ALX4: variants seen among roughly 807,000 people sequenced by gnomAD.
The protein encoded by ALX4 is ALX homeobox 4.
Under a neutral mutation model 40.6 loss-of-function variants are expected in ALX4, and 22 were observed. The ratio of observed to expected loss-of-function variants is 0.54; its 90% CI spans 0.39 to 0.77. The LOEUF (loss-of-function observed/expected upper bound fraction) is 0.77. Among genes scored for constraint, ALX4 ranks in the 30% least tolerant of loss-of-function variants. The pLI, the probability that ALX4 is intolerant of heterozygous loss-of-function variation, is 0.00. For synonymous variants in ALX4, 266 were observed against 240.5 expected (o/e 1.11, Z -0.98); for missense variants, 556 against 564.8 (o/e 0.98, Z 0.16).
At position 44,264,921 on chromosome 11, in the gene ALX4, G is replaced by T. The variant is rs1274633399; in HGVS notation, c.1169C>A (p.Thr390Asn). 6.2e-7 allele frequency: 1 copy of T among 1,613,014 alleles called. No homozygotes were observed. The highest frequency in any genetic ancestry group is 8.5e-7 in the Non-Finnish European group (1 of 1,179,946). Reference protein sequence around the residue: ...YELNGEPDRKTSSIAALRMKA... With the variant: ...YELNGEPDRKNSSIAALRMKA... ...CATGCGGAGGGCCGCGATGCTCGAG[G>T]TCTTGCGGTCCGGCTCGCCGTTGAG... Residue 390 changes from threonine to asparagine, a missense_variant, in exon 4 of 4, where the codon ACC becomes AAC. Coordinates refer to ENST00000652299, the MANE Select transcript of ALX4 (RefSeq NM_021926.4).
At chr11:44,284,972 G>T (rs1956330231) in intron 1 of ALX4, among the ~76,000 whole-genome samples, 1 of 150,612 alleles carries the variant, frequency 6.6e-6, no homozygotes. Context: ...AAACTTTTGT[G>T]TTTTTTTTTG....
chr11:44,310,092 C>G lies in ALX4; in HGVS notation c.-30G>C. 1 of 1,555,478 alleles carries G rather than the reference C, an allele frequency of 6.4e-7. No individual in the cohort carries two copies. Among genetic ancestry groups the G allele is most frequent in the Non-Finnish European group, 8.7e-7 (1 of 1,148,210 alleles). On this transcript the variant is annotated 5_prime_UTR_variant, in exon 1 of 4. Transcript: ENST00000652299. The stretch of plus-strand genomic sequence containing the variant: ...GGCTTGCGCAGGCGGCGGGCGGGGA[C>G]GCGAGCGAGGGCGCGAGGACGCCAC...
intron 2 of ALX4, among the ~76,000 whole-genome samples, chr11:44,270,808 C>T (rs543134906): frequency 3.3e-5 from 5 of 152,342 alleles, no homozygotes; most frequent in East Asian, 1.9e-4. Context: ...AGGCCTCTCC[C>T]GAGGACCGGG....
At chr11:44,284,902 C>G (rs1374461238) in intron 1 of ALX4, among the ~76,000 whole-genome samples, 3 of 151,978 alleles carry the variant, frequency 2.0e-5, no homozygotes, top group African/African-American at 7.3e-5. Flanking sequence ...AAGAAAATCA[C>G]TCACACACAT....
At chr11:44,304,618 C>G (rs2119904971) in intron 1 of ALX4, among the ~76,000 whole-genome samples, 1 of 152,326 alleles carries the variant, frequency 6.6e-6, no homozygotes, top group South Asian at 2.1e-4. Flanking sequence ...CCCGGACAAA[C>G]GCGCCGGACG....
chr11:44,296,247 G>A (rs1473345456), intron 1 of ALX4, among the ~76,000 whole-genome samples: 4 of 152,228 alleles, frequency 2.6e-5, no homozygotes, highest in Admixed American at 2.6e-4. Context: ...TGGGAAAAGT[G>A]GATATCCCCA....
chr11:44,303,556 C>T (rs1276543807), intron 1 of ALX4, among the ~76,000 whole-genome samples: 2 of 152,210 alleles, frequency 1.3e-5, no homozygotes, highest in Non-Finnish European at 2.9e-5. Flanking sequence ...TACCACCCTA[C>T]ACACCCCAGC....
chr11:44,262,950 C>T lies in ALX4; in HGVS notation c.*1904G>A, dbSNP rs868266476. On this transcript the variant is annotated 3_prime_UTR_variant, in exon 4 of 4. Transcript: ENST00000652299. ...ACACTTAAAGCCAAGCCTCCAAGAA[C>T]ATTTAATTCAATGTCCAAGACCCTT... The T allele has an allele frequency of 1.3e-5, 2 of 152,238 alleles. No individual in the cohort carries two copies. The highest frequency in any genetic ancestry group is 2.9e-5 in the Non-Finnish European group (2 of 68,066). 9.4% of individuals were successfully genotyped at this position (152,238 alleles called of 1,614,324 possible).
chr11:44,301,239 C>T (rs1278096510), intron 1 of ALX4, among the ~76,000 whole-genome samples: 1 of 152,142 alleles, frequency 6.6e-6, no homozygotes, highest in Non-Finnish European at 1.5e-5. Context: ...TGAGTGAGAC[C>T]CCCCAACATG....
intron 1 of ALX4, among the ~76,000 whole-genome samples, chr11:44,304,839 T>G (rs956457638): frequency 3.9e-5 from 6 of 152,190 alleles, no homozygotes; most frequent in Admixed American, 3.9e-4. Context: ...CGTTTTAATC[T>G]GTTTTCCTAC....
At chr11:44,266,767 G>A (rs1411875401) in intron 3 of ALX4, among the ~76,000 whole-genome samples, 2 of 152,118 alleles carry the variant, frequency 1.3e-5, no homozygotes, top group East Asian at 1.9e-4. Flanking sequence ...CCATGTGCCT[G>A]ATGTGACTCA....
chr11:44,276,379 G>A (rs12420503), intron 1 of ALX4, among the ~76,000 whole-genome samples: 42,566 of 152,208 alleles, frequency 0.28, 7,371 homozygotes, highest in South Asian at 0.46. Context: ...GAGGCTGCCC[G>A]GGCACCTTCA....
intron 1 of ALX4, among the ~76,000 whole-genome samples, chr11:44,283,042 T>A (rs1055198635): frequency 6.6e-6 from 1 of 151,874 alleles, no homozygotes; most frequent in Admixed American, 6.6e-5. Flanking sequence ...AGGTCAGGAG[T>A]TTGAGACCAG....
At chr11:44,293,139 G>T (rs1166171552) in intron 1 of ALX4, among the ~76,000 whole-genome samples, 3 of 76,928 alleles carry the variant, frequency 3.9e-5, no homozygotes, top group Non-Finnish European at 9.1e-5. Context: ...AAGGAAGGAA[G>T]GAAGGAAGGA....
rs550061337 is a variant in ALX4, at chr11:44,263,236, G to C, written c.*1618C>G. The C allele has an allele frequency of 5.9e-5, 9 of 152,438 alleles. No homozygotes were observed. The highest frequency in any genetic ancestry group is 1.3e-4 in the Non-Finnish European group (9 of 68,102). 9.4% of individuals were successfully genotyped at this position (152,438 alleles called of 1,614,324 possible). A position where few individuals can be genotyped will look rare whatever the true frequency, so the allele number is the denominator to read the frequency against. On this transcript the variant is annotated 3_prime_UTR_variant, in exon 4 of 4. Transcript: ENST00000652299. ...CTACTCCATGACAGGAATCAAGGGA[G>C]AAGGTAGAAAAGGCGAGCGCTTCAA...
rs374726657 is a variant in ALX4, at chr11:44,309,623, C to T, written c.440G>A (p.Ser147Asn). Reference sequence around the variant, plus strand: ...GTAGCAGGGAACCTGCAAGGCCGCGCTGTGGCCGCTGCTGCCTTCCTGGAG... The same window carrying T: ...GTAGCAGGGAACCTGCAAGGCCGCGTTGTGGCCGCTGCTGCCTTCCTGGAG... Reference protein sequence around the residue: ...LKLQEGSSGHSAALQVPCYAK... With the variant: ...LKLQEGSSGHNAALQVPCYAK... Residue 147 changes from serine (S) to asparagine (N), a missense_variant, in exon 1 of 4, where the codon AGC (serine) becomes AAC (asparagine). Transcript: ENST00000652299. 2.3e-4 allele frequency: 362 copies of T among 1,589,208 alleles called. No individual in the cohort carries two copies. The African/African-American group carries it at 4.3e-3, about 19-fold the overall frequency.
chr11:44,293,797 AG>A (rs1169378437), intron 1 of ALX4, among the ~76,000 whole-genome samples: 3 of 152,194 alleles, frequency 2.0e-5, no homozygotes, highest in African/African-American at 7.2e-5. Flanking sequence ...TCTGTTTAGA[AG>A]GGTTTGTCTC....
intron 1 of ALX4, among the ~76,000 whole-genome samples, chr11:44,283,437 G>T (rs192780028): frequency 6.6e-6 from 1 of 152,092 alleles, no homozygotes; most frequent in Admixed American, 6.5e-5. Context: ...TAGAGAGAAC[G>T]TTCATCATGT....
intron 1 of ALX4, among the ~76,000 whole-genome samples, chr11:44,299,603 G>T (rs372777041): frequency 1.2e-4 from 18 of 151,988 alleles, no homozygotes; most frequent in African/African-American, 4.3e-4. Flanking sequence ...TTTGTGATCC[G>T]CCCGCCTAGG....
Sources: allele counts gnomAD v4.1 joint callset (sites outside exome capture counted in the v4.1 genomes callset), GRCh38; gene constraint gnomAD v4.1.1; transcripts MANE v1.5; gene names NCBI Gene and HGNC (gene_info 2026-07-23, HGNC 2026-07-21).